DYNC2H1: variants seen among roughly 807,000 people sequenced by gnomAD.
DYNC2H1 encodes cytoplasmic dynein 2 heavy chain 1.
DYNC2H1 carries 410 observed loss-of-function variants against 570.0 expected under a neutral mutation model. That is an observed-to-expected ratio of 0.72 (90% CI 0.66 to 0.78). The LOEUF is 0.78. Ranked by LOEUF, DYNC2H1 falls within the 30% of genes least tolerant of loss-of-function variation. The probability of loss-of-function intolerance (pLI) is 0.00; values close to 1 mark genes in which losing one functional copy is unlikely to be tolerated. For synonymous variants in DYNC2H1, 1,688 were observed against 1,677.6 expected (o/e 1.01, Z -0.15); for missense variants, 4,865 against 5,046.4 (o/e 0.96, Z 1.09).
rs1173580377 is a variant in DYNC2H1 at position 103,152,268 on chromosome 11, C to T, written c.3079C>T (p.Leu1027Phe). Residue 1027 changes from leucine (L) to phenylalanine (F), a missense_variant, in exon 21 of 89, where the codon CTT becomes TTT. Leu to Phe is a conservative substitution (Grantham distance 22, BLOSUM62 0). This residue lies in a region of DYNC2H1 where 1,936 missense variants were observed against 1,962.1 expected (regional missense o/e 0.99). Coordinates refer to ENST00000375735, the MANE Select transcript of DYNC2H1 (RefSeq NM_001377.3). ...TGAGTTAATGATGGAAAGTCACCAA[C>T]TTATGATTAAAGACCAGGTTAGAAT... ...KFELMMESHQ[L>F]MIKDQIEVMK... The T allele has an allele frequency of 6.2e-7, 1 of 1,601,794 alleles. No homozygotes were observed. The highest frequency in any genetic ancestry group is 1.7e-5 in the Admixed American group (1 of 57,966).
At chr11:103,315,490 T>C (rs927572077) in intron 79 of DYNC2H1, among the ~76,000 whole-genome samples, 1 of 152,108 alleles carries the variant, frequency 6.6e-6, no homozygotes, top group Non-Finnish European at 1.5e-5. Flanking sequence ...GAATGAGCGA[T>C]AAGCTTAGAA....
In DYNC2H1 at chr11:103,158,957, C is replaced by T; in HGVS notation, c.4308C>T (p.Asp1436=). Residue 1436 remains aspartate, a synonymous_variant, in exon 28 of 89, where the codon GAC becomes GAT. Transcript: ENST00000375735. ...FPRFYFIGDD[D]LLEILGQSTN... ...GATTTTATTTTATTGGTGATGATGA[C>T]TTATTAGAAATATTGGGCCAGTCTA... 6.2e-7 allele frequency: 1 copy of T among 1,613,258 alleles called. No homozygotes were observed. The highest frequency in any genetic ancestry group is 8.5e-7 in the Non-Finnish European group (1 of 1,179,714).
intron 72 of DYNC2H1, among the ~76,000 whole-genome samples, chr11:103,282,480 G>A (rs930701601): frequency 1.3e-5 from 2 of 151,828 alleles, no homozygotes; most frequent in Non-Finnish European, 2.9e-5. Flanking sequence ...CTCAGTATAT[G>A]TATTTTATTC....
chr11:103,219,871 C>A, intron 55 of DYNC2H1, 44 bp from the exon 56 acceptor site: 1 of 1,076,408 alleles, frequency 9.3e-7, no homozygotes, highest in Non-Finnish European at 1.3e-6. Context: ...TTTTAAATAT[C>A]AAGCATTAAA....
intron 68 of DYNC2H1, 141 bp from the exon 69 acceptor site, chr11:103,257,467 C>A: frequency 1.3e-6 from 1 of 792,782 alleles, no homozygotes; most frequent in Non-Finnish European, 1.8e-6. Flanking sequence ...GATTCATCAT[C>A]TTCATTTGTT....
chr11:103,152,613 A>T (rs1345604868), intron 21 of DYNC2H1, among the ~76,000 whole-genome samples: 1 of 152,170 alleles, frequency 6.6e-6, no homozygotes, highest in Non-Finnish European at 1.5e-5. Flanking sequence ...TTAGGATATC[A>T]GTTTAACTAC....
intron 1 of DYNC2H1, among the ~76,000 whole-genome samples, chr11:103,113,220 A>C (rs1858196593): frequency 6.6e-6 from 1 of 152,134 alleles, no homozygotes; most frequent in Non-Finnish European, 1.5e-5. Context: ...TTCTGGCTAG[A>C]ATGGACTCTG....
chr11:103,213,972 TAA>T (rs1484985673), intron 54 of DYNC2H1, among the ~76,000 whole-genome samples: 2 of 152,200 alleles, frequency 1.3e-5, no homozygotes, highest in Admixed American at 1.3e-4. Flanking sequence ...GTCTTTTGTT[TAA>T]GTCTTTAATT....
chr11:103,453,346 T>C (rs139664211), intron 85 of DYNC2H1, among the ~76,000 whole-genome samples: 226 of 152,120 alleles, frequency 1.5e-3, no homozygotes, highest in African/African-American at 5.2e-3. Context: ...TGCTTATCAG[T>C]ATAAATGTGG....
intron 20 of DYNC2H1, 96 bp downstream of exon 20, chr11:103,148,713 T>A (rs1860370307): frequency 7.1e-7 from 1 of 1,412,322 alleles, no homozygotes; most frequent in East Asian, 2.5e-5. Flanking sequence ...AAATATATAA[T>A]CTCAACATTA....
intron 83 of DYNC2H1, among the ~76,000 whole-genome samples, chr11:103,391,773 G>C (rs2671364): frequency 0.67 from 102,250 of 152,154 alleles, 34,488 homozygotes; most frequent in Admixed American, 0.73. Context: ...TCCAGACCCT[G>C]TTTGCCTGGG....
intron 88 of DYNC2H1, among the ~76,000 whole-genome samples, chr11:103,471,150 A>C (rs1454764753): frequency 2.0e-5 from 3 of 152,086 alleles, no homozygotes; most frequent in Non-Finnish European, 4.4e-5. Flanking sequence ...TTTGATTTGC[A>C]TTTCTCTGAT....
Position 103,244,149 on chromosome 11 carries a change from G to T in DYNC2H1, c.9918+358G>T. Among the ~76,000 whole-genome samples the T allele has an allele frequency of 6.6e-6, 1 of 151,850 alleles. No individual in the cohort carries two copies. The highest frequency in any genetic ancestry group is 1.9e-4 in the East Asian group (1 of 5,150). On this transcript the variant is annotated intron_variant, in intron 64 of 88. Coordinates refer to ENST00000375735, the MANE Select transcript of DYNC2H1 (RefSeq NM_001377.3). The surrounding 1 kb of genome is among the most constrained non-coding windows in gnomAD (Gnocchi z 4.3). The stretch of plus-strand genomic sequence containing the variant: ...AGCTTTTAAGTTAGCTTGGAGAATC[G>T]GAAAAGCCTTCTAGCCTTTTAGCAT...
At chr11:103,140,534 T>G (rs1050408968) in intron 17 of DYNC2H1, among the ~76,000 whole-genome samples, 1 of 152,222 alleles carries the variant, frequency 6.6e-6, no homozygotes, top group Non-Finnish European at 1.5e-5. Context: ...TGTTGAATAT[T>G]GGCCCCCACT....
In DYNC2H1 at chr11:103,324,449, T is replaced by A. The variant is rs1938366242; in HGVS notation, c.12039+459T>A. Among the ~76,000 whole-genome samples, 1 of 152,220 alleles carries A rather than the reference T, an allele frequency of 6.6e-6. No individual in the cohort carries two copies. Among genetic ancestry groups the A allele is most frequent in the African/African-American group, 2.4e-5 (1 of 41,464 alleles). On this transcript the variant is annotated intron_variant, in intron 82 of 88. Coordinates refer to ENST00000375735, the MANE Select transcript of DYNC2H1 (RefSeq NM_001377.3). The surrounding 1 kb of genome is among the most constrained non-coding windows in gnomAD (Gnocchi z 5.2). ...TTGGTTATCTGTTCCTGTGTTAGTT[T>A]GCTTATGAAAATGATCTCCAGCTCC...
intron 84 of DYNC2H1, among the ~76,000 whole-genome samples, chr11:103,428,382 A>G (rs1252591738): frequency 2.6e-5 from 4 of 152,148 alleles, no homozygotes; most frequent in Non-Finnish European, 5.9e-5. Context: ...GCTCAATATA[A>G]ATAACAAAAA....
chr11:103,357,719 G>A (rs1408216320), intron 82 of DYNC2H1, among the ~76,000 whole-genome samples: 1 of 152,172 alleles, frequency 6.6e-6, no homozygotes, highest in Non-Finnish European at 1.5e-5. Flanking sequence ...TTGGGAGGCC[G>A]AAGTGGGAGG....
chr11:103,283,075 C>T lies in DYNC2H1; in HGVS notation c.10880C>T (p.Ala3627Val). ...WIDQERSWAV[A>V]TLKIALPSLY... ...GATCAGGAACGAAGCTGGGCCGTGG[C>T]AACATTAAAGGTATTCCTTTTCTAC... The change falls in exon 73 of 89, where the codon GCA becomes GTA. Residue 3627 changes from alanine (A) to valine (V), a missense_variant. Transcript: ENST00000375735. The T allele has an allele frequency of 6.2e-7, 1 of 1,606,114 alleles. No individual in the cohort carries two copies. Among genetic ancestry groups the T allele is most frequent in the East Asian group, 2.2e-5 (1 of 44,686 alleles).
chr11:103,153,322 A>G lies in DYNC2H1; in HGVS notation c.3116A>G (p.Asn1039Ser). ...IKDQIEVMKG[N>S]VKSRLQIYYQ... The stretch of plus-strand genomic sequence containing the variant: ...TTATAGATTGAAGTGATGAAAGGAA[A>G]TGTGAAATCACGTCTTCAGATCTAT... Residue 1039 changes from asparagine (N) to serine (S), a missense_variant, in exon 22 of 89, where the codon AAT becomes AGT. Asn to Ser is a conservative substitution (Grantham distance 46, BLOSUM62 1). This residue lies in a region of DYNC2H1 where 1,936 missense variants were observed against 1,962.1 expected (regional missense o/e 0.99). Transcript: ENST00000375735. The G allele has an allele frequency of 6.5e-7, 1 of 1,537,980 alleles. No individual in the cohort carries two copies. Among genetic ancestry groups the G allele is most frequent in the Non-Finnish European group, 8.7e-7 (1 of 1,143,600 alleles).
Sources: allele counts gnomAD v4.1 joint callset (sites outside exome capture counted in the v4.1 genomes callset), GRCh38; gene constraint gnomAD v4.1.1; regional missense constraint gnomAD v4.1.1; non-coding constraint Gnocchi (gnomAD v3.1); transcripts MANE v1.5; gene names NCBI Gene and HGNC (gene_info 2026-07-23, HGNC 2026-07-21).